ITIH5: variants seen among roughly 807,000 people sequenced by gnomAD.
ITIH5 encodes inter-alpha-trypsin inhibitor heavy chain H5.
A neutral mutation model predicts 77.5 loss-of-function variants in ITIH5; 65 were observed. The observed-to-expected ratio is 0.84, with a 90% CI of 0.69 to 1.03. The LOEUF (loss-of-function observed/expected upper bound fraction) is 1.03, where lower values mean the gene tolerates loss of function less well. ITIH5 is among the 50% of genes least tolerant of loss of function. The pLI is 0.00. For missense variants in ITIH5, 1,208 were observed against 1,213.1 expected (o/e 1.00, Z 0.06); for synonymous variants, 525 against 494.3 (o/e 1.06, Z -0.82).
rs866135017 is a variant in ITIH5 at position 7,644,639 on chromosome 10, T to C, written c.136-2549A>G. ...ACATATATATCACATATATCACATA[T>C]ATATCATATATATCACATATATATC... On this transcript the variant is annotated intron_variant, in intron 2 of 13. Coordinates refer to ENST00000397146, the MANE Select transcript of ITIH5 (RefSeq NM_030569.7). 1.9e-3 allele frequency among the ~76,000 whole-genome samples: 166 copies of C among 85,614 alleles called. 6 individuals are homozygous for C. The East Asian group carries it at 0.021, about 11-fold the overall frequency. The allele number at this position is 85,614 out of a possible 152,430, so 56.2% of individuals were successfully genotyped here.
intron 7 of ITIH5, among the ~76,000 whole-genome samples, chr10:7,604,841 T>A (rs1313033539): frequency 1.3e-5 from 2 of 152,156 alleles, no homozygotes; most frequent in African/African-American, 2.4e-5. Context: ...TTTTTCTTCT[T>A]TTTTGAATGG....
chr10:7,611,892 T>C (rs1833251823), intron 7 of ITIH5, among the ~76,000 whole-genome samples: 1 of 150,004 alleles, frequency 6.7e-6, no homozygotes, highest in Admixed American at 6.8e-5. Context: ...CACTTGAAAA[T>C]CAGTTAAATA....
At chr10:7,650,424 TG>T (rs1399747467) in intron 2 of ITIH5, among the ~76,000 whole-genome samples, 1 of 152,196 alleles carries the variant, frequency 6.6e-6, no homozygotes, top group African/African-American at 2.4e-5. Context: ...TAACCCTTAA[TG>T]CTTCTCCTTT....
intron 1 of ITIH5, among the ~76,000 whole-genome samples, chr10:7,664,379 G>A (rs1213794197): frequency 3.5e-5 from 5 of 143,572 alleles, no homozygotes; most frequent in African/African-American, 5.2e-5. Context: ...CAGCCTGGGC[G>A]ACACAGCGAG....
At chr10:7,636,744 GTATTT>G (rs1215297168) in intron 5 of ITIH5, among the ~76,000 whole-genome samples, 1 of 151,706 alleles carries the variant, frequency 6.6e-6, no homozygotes, top group Non-Finnish European at 1.5e-5. Flanking sequence ...AGCATGGGCT[GTATTT>G]TATTTTTAAT....
At chr10:7,648,645 C>T (rs190487088) in intron 2 of ITIH5, among the ~76,000 whole-genome samples, 11 of 152,182 alleles carry the variant, frequency 7.2e-5, no homozygotes, top group African/African-American at 2.7e-4. Context: ...AGTTCTTGCT[C>T]AGTAGTATTT....
rs552007963 is a variant in ITIH5, at chr10:7,565,307, A to C, written c.2527+723T>G. ...CACACACCATACATACAGACTGTAT[A>C]TATATATACACACACACATCACACA... is the stretch of plus-strand genomic sequence containing the variant. On this transcript the variant is annotated intron_variant, in intron 13 of 13. Coordinates refer to ENST00000397146, the MANE Select transcript of ITIH5 (RefSeq NM_030569.7). Among the ~76,000 whole-genome samples, 4 of 149,712 alleles carry C rather than the reference A, an allele frequency of 2.7e-5. No homozygotes were observed. The South Asian group carries it at 8.4e-4, about 32-fold the overall frequency.
intron 5 of ITIH5, among the ~76,000 whole-genome samples, chr10:7,632,895 T>C (rs552737203): frequency 1.1e-4 from 16 of 152,114 alleles, no homozygotes; most frequent in Non-Finnish European, 2.2e-4. Context: ...TAAATGAAAA[T>C]TTTCTGCCAA....
intron 3 of ITIH5, among the ~76,000 whole-genome samples, chr10:7,641,645 G>GA (rs1588421474): frequency 9.3e-6 from 1 of 107,866 alleles, no homozygotes; most frequent in East Asian, 3.1e-4. Flanking sequence ...GAAAAGGAAG[G>GA]AAGGAAGGGA....
intron 1 of ITIH5, among the ~76,000 whole-genome samples, chr10:7,659,135 G>A (rs1022511046): frequency 4.6e-5 from 7 of 152,252 alleles, no homozygotes; most frequent in Admixed American, 2.6e-4. Flanking sequence ...CCAGCACTCC[G>A]GGAGGCTGTG....
rs1832185647 is a variant in ITIH5 at position 7,566,839 on chromosome 10, GA to G, written c.2150-433del. Reference sequence around the variant, plus strand: ...GGAAGAGGAAGAGGAAGAGGAAGAGGAAGAGGAAGAAGAAGAAGAAGAAGAA... The same window carrying G: ...GGAAGAGGAAGAGGAAGAGGAAGAGGAGAGGAAGAAGAAGAAGAAGAAGAA... On this transcript the variant is annotated intron_variant, in intron 12 of 13. Coordinates refer to ENST00000397146, the MANE Select transcript of ITIH5 (RefSeq NM_030569.7). Among the ~76,000 whole-genome samples, 2 of 37,778 alleles carry G rather than the reference GA, an allele frequency of 5.3e-5. 1 individual carries two copies. Among genetic ancestry groups the G allele is most frequent in the African/African-American group, 2.4e-4 (2 of 8,394 alleles). The allele number at this position is 37,778 out of a possible 152,430, so 24.8% of individuals were successfully genotyped here. A position where few individuals can be genotyped will look rare whatever the true frequency, so the allele number is the denominator to read the frequency against.
chr10:7,605,389 C>T (rs560367770), intron 7 of ITIH5, among the ~76,000 whole-genome samples: 1 of 151,944 alleles, frequency 6.6e-6, no homozygotes, highest in Admixed American at 6.6e-5. Flanking sequence ...TGATTACCAC[C>T]CCATCACGCA....
chr10:7,576,578 A>G lies in ITIH5; in HGVS notation c.1853T>C (p.Phe618Ser). 1 of 1,613,968 alleles carries G rather than the reference A, an allele frequency of 6.2e-7. No individual in the cohort carries two copies. Among genetic ancestry groups the G allele is most frequent in the South Asian group, 1.1e-5 (1 of 91,078 alleles). ...LAVSYRFLTP[F>S]TSMKLRGPVP... ...CGGCCCCCTCAGCTTCATGGAGGTG[A>G]AGGGAGTGAGGAAGCGGTAGCTCAC... The change falls in exon 10 of 14, where the codon TTC becomes TCC. Residue 618 changes from phenylalanine (F) to serine (S), a missense_variant. By Grantham distance (155) the Phe-to-Ser change is radical. Coordinates refer to ENST00000397146, the MANE Select transcript of ITIH5 (RefSeq NM_030569.7).
intron 12 of ITIH5, 117 bp downstream of exon 12, chr10:7,569,551 C>A: frequency 1.6e-6 from 1 of 612,370 alleles, no homozygotes; most frequent in Non-Finnish European, 2.9e-6. Context: ...ACTGACGATA[C>A]TCACTGAGCG....
chr10:7,584,280 C>A (rs1011360051), intron 8 of ITIH5, among the ~76,000 whole-genome samples: 1 of 150,810 alleles, frequency 6.6e-6, no homozygotes, highest in Non-Finnish European at 1.5e-5. Context: ...ATAACATACA[C>A]CAGCCATTTT....
Position 7,599,053 on chromosome 10 carries a change from C to T in ITIH5, c.940-12984G>A, listed in dbSNP as rs76418572. 7.8e-3 allele frequency among the ~76,000 whole-genome samples: 1,190 copies of T among 152,254 alleles called. 19 individuals are homozygous for T. Among genetic ancestry groups the T allele is most frequent in the South Asian group, 0.033 (158 of 4,822 alleles). On this transcript the variant is annotated intron_variant, in intron 7 of 13. Coordinates refer to ENST00000397146, the MANE Select transcript of ITIH5 (RefSeq NM_030569.7). ...ACATTTACCTAATCATGTCATTGTA[C>T]GTTTTTCTGAAAAGCTCTTTGCCAA...
At chr10:7,578,513 T>C in intron 9 of ITIH5, 1 of 157,492 alleles carries the variant, frequency 6.3e-6, no homozygotes. Flanking sequence ...TAGTTTTGAA[T>C]AATTTTTAAA....
chr10:7,604,147 T>C (rs1168192374), intron 7 of ITIH5, among the ~76,000 whole-genome samples: 1 of 152,212 alleles, frequency 6.6e-6, no homozygotes, highest in Non-Finnish European at 1.5e-5. Context: ...CCTGCTCACA[T>C]GCTTCCAGGC....
At chr10:7,581,721 C>CTTTTTTTTTTTTTTTTTTTTTTTTTT (rs142992412) in intron 8 of ITIH5, among the ~76,000 whole-genome samples, 1 of 101,724 alleles carries the variant, frequency 9.8e-6, no homozygotes, top group Non-Finnish European at 1.9e-5. Context: ...TCTTTTCCTT[C>CTTTTTTTTTTTTTTTTTTTTTTTTTT]TTTTTTTTTT....
Sources: allele counts gnomAD v4.1 joint callset (sites outside exome capture counted in the v4.1 genomes callset), GRCh38; gene constraint gnomAD v4.1.1; transcripts MANE v1.5; gene names NCBI Gene and HGNC (gene_info 2026-07-23, HGNC 2026-07-21).